LYPD6B: variants seen among roughly 807,000 people sequenced by gnomAD.
LYPD6B encodes ly6/PLAUR domain-containing protein 6B.
Under a neutral mutation model 22.8 loss-of-function variants are expected in LYPD6B, and 17 were observed. The ratio of observed to expected loss-of-function variants is 0.75; its 90% CI spans 0.51 to 1.12. LYPD6B has a LOEUF of 1.12. LYPD6B is among the 50% of genes most tolerant of loss of function. The pLI is 0.00. For missense variants in LYPD6B, 221 were observed against 258.3 expected, an observed-to-expected ratio of 0.86 and a Z score of 0.99; for synonymous variants, 106 against 91.6, an observed-to-expected ratio of 1.16 and a Z score of -0.90.
intron 1 of LYPD6B, 24 bp from the exon 2 acceptor site, chr2:149,130,859 A>T: frequency 1.1e-6 from 1 of 947,584 alleles, no homozygotes; most frequent in Non-Finnish European, 1.7e-6. Context: ...TCATAATGAT[A>T]CCTTTTCATG....
At chr2:149,147,451 C>G (rs1265379626) in intron 2 of LYPD6B, among the ~76,000 whole-genome samples, 1 of 152,190 alleles carries the variant, frequency 6.6e-6, no homozygotes, top group Non-Finnish European at 1.5e-5. Flanking sequence ...GTGACTACCT[C>G]CAGTCAGATC....
At chr2:149,073,912 G>A (rs1305325122) in intron 1 of LYPD6B, among the ~76,000 whole-genome samples, 4 of 151,924 alleles carry the variant, frequency 2.6e-5, no homozygotes, top group East Asian at 1.9e-4. Context: ...CCAGGGTGAC[G>A]GCTGTACGAA....
At chr2:149,201,715 A>T (rs1424892566) in intron 3 of LYPD6B, among the ~76,000 whole-genome samples, 2 of 152,250 alleles carry the variant, frequency 1.3e-5, no homozygotes, top group Non-Finnish European at 2.9e-5. Context: ...TCCTCACTTG[A>T]CAGGCAAAAC....
intron 1 of LYPD6B, among the ~76,000 whole-genome samples, chr2:149,091,840 G>T (rs1349548776): frequency 1.3e-5 from 2 of 152,120 alleles, no homozygotes; most frequent in East Asian, 1.9e-4. Context: ...GGCATAAAAG[G>T]ATAATTTTAA....
chr2:149,078,091 G>A (rs79776678), intron 1 of LYPD6B, among the ~76,000 whole-genome samples: 16,343 of 152,070 alleles, frequency 0.11, 1,319 homozygotes, highest in Non-Finnish European at 0.15. Context: ...AGGATGTCAG[G>A]TCACAGTGCC....
intron 1 of LYPD6B, among the ~76,000 whole-genome samples, chr2:149,057,678 G>A (rs1979480): frequency 0.97 from 148,409 of 152,262 alleles, 72,445 homozygotes; most frequent in East Asian, 1. Context: ...CTGTGTAGGG[G>A]CGAACCCAGC....
intron 1 of LYPD6B, among the ~76,000 whole-genome samples, chr2:149,088,761 T>C (rs1685513151): frequency 6.6e-6 from 1 of 152,214 alleles, no homozygotes; most frequent in South Asian, 2.1e-4. Context: ...AACAAAACGT[T>C]GTGGCATTGA....
chr2:149,212,874 C>G, intron 5 of LYPD6B, 118 bp from the exon 6 acceptor site: 2 of 1,015,904 alleles, frequency 2.0e-6, no homozygotes, highest in South Asian at 3.4e-5. Context: ...GCCTAAAAAC[C>G]CCAGGACTGG....
intron 2 of LYPD6B, among the ~76,000 whole-genome samples, chr2:149,151,575 G>C (rs1390875718): frequency 6.6e-6 from 1 of 152,136 alleles, no homozygotes; most frequent in African/African-American, 2.4e-5. Flanking sequence ...TTCAACCTAA[G>C]ATTCACCGCT....
At chr2:149,097,109 G>T (rs1481025753) in intron 1 of LYPD6B, among the ~76,000 whole-genome samples, 1 of 152,212 alleles carries the variant, frequency 6.6e-6, no homozygotes, top group African/African-American at 2.4e-5. Flanking sequence ...TATTAGAGAA[G>T]TGGATCCTGA....
At chr2:149,173,668 G>A (rs1426275979) in intron 3 of LYPD6B, among the ~76,000 whole-genome samples, 2 of 152,084 alleles carry the variant, frequency 1.3e-5, no homozygotes, top group Non-Finnish European at 2.9e-5. Flanking sequence ...CTCTACTGAT[G>A]TAATATCTTG....
At chr2:149,100,848 T>A (rs1271272867) in intron 1 of LYPD6B, among the ~76,000 whole-genome samples, 1 of 152,218 alleles carries the variant, frequency 6.6e-6, no homozygotes, top group Non-Finnish European at 1.5e-5. Flanking sequence ...GAATTCAAAG[T>A]GTAAGAAGCA....
chr2:149,141,596 CT>C (rs1346853529), intron 2 of LYPD6B, among the ~76,000 whole-genome samples: 7 of 152,068 alleles, frequency 4.6e-5, no homozygotes, highest in African/African-American at 7.2e-5. Flanking sequence ...ATCTTTCTTA[CT>C]TTTTTTCTTT....
At chr2:149,145,755 GT>G (rs900009900) in intron 2 of LYPD6B, among the ~76,000 whole-genome samples, 1 of 152,208 alleles carries the variant, frequency 6.6e-6, no homozygotes, top group African/African-American at 2.4e-5. Context: ...GCTCTGTGGT[GT>G]GGTATTCTGG....
intron 1 of LYPD6B, among the ~76,000 whole-genome samples, chr2:149,111,233 C>A (rs2105535963): frequency 6.6e-6 from 1 of 152,180 alleles, no homozygotes; most frequent in East Asian, 1.9e-4. Context: ...GGATGGAAAC[C>A]ATTTAGTGGT....
chr2:149,141,278 C>A (rs765458987), intron 2 of LYPD6B, among the ~76,000 whole-genome samples: 14 of 152,160 alleles, frequency 9.2e-5, no homozygotes, highest in Non-Finnish European at 1.9e-4. Flanking sequence ...ACCATGCGTG[C>A]AAAGTCCTGA....
At chr2:149,129,831 G>C (rs1453500108) in intron 1 of LYPD6B, among the ~76,000 whole-genome samples, 2 of 152,196 alleles carry the variant, frequency 1.3e-5, no homozygotes. Flanking sequence ...TTCAATGCCT[G>C]GTGCAAGATA....
intron 2 of LYPD6B, chr2:149,131,588 T>G (rs578159327): frequency 1.3e-5 from 2 of 152,416 alleles, no homozygotes; most frequent in East Asian, 3.9e-4. Flanking sequence ...GCAAGCCTCC[T>G]GCACAATAAT....
At chr2:149,092,006 C>T (rs529700640) in intron 1 of LYPD6B, among the ~76,000 whole-genome samples, 21 of 125,634 alleles carry the variant, frequency 1.7e-4, no homozygotes, top group Non-Finnish European at 3.2e-4. Context: ...GATTGGGCTG[C>T]GGGTGGAAGG....
Sources: allele counts gnomAD v4.1 joint callset (sites outside exome capture counted in the v4.1 genomes callset), GRCh38; gene constraint gnomAD v4.1.1; transcripts MANE v1.5; gene names NCBI Gene and HGNC (gene_info 2026-07-23, HGNC 2026-07-21).